Variants in PKHD1L1 observed in about 807,000 individuals in gnomAD.
PKHD1L1 encodes PKHD1 like 1, also known as fibrocystin-L.
In PKHD1L1, 434 loss-of-function variants were observed where a neutral mutation model predicts 462.9. That is an observed-to-expected ratio of 0.94 (90% confidence interval 0.87 to 1.02). PKHD1L1 has a LOEUF of 1.02. Ranked by LOEUF, PKHD1L1 falls within the 50% of genes least tolerant of loss-of-function variation. PKHD1L1 has a pLI of 0.00. For synonymous variants in PKHD1L1, 1,781 were observed against 1,750.0 expected (o/e 1.02, Z -0.44); for missense variants, 5,202 against 5,096.1 (o/e 1.02, Z -0.63).
intron 68 of PKHD1L1, 141 bp downstream of exon 68, chr8:109,504,633 A>G: frequency 2.0e-6 from 1 of 509,632 alleles, no homozygotes; most frequent in South Asian, 4.0e-5. Context: ...GAAAATTAAG[A>G]CCATTTAATA....
intron 21 of PKHD1L1, among the ~76,000 whole-genome samples, chr8:109,414,401 C>G (rs1814021052): frequency 6.6e-6 from 1 of 152,140 alleles, no homozygotes; most frequent in Admixed American, 6.5e-5. Context: ...AACATTTTCT[C>G]TCTACAATTG....
intron 2 of PKHD1L1, among the ~76,000 whole-genome samples, chr8:109,370,664 C>G (rs892098042): frequency 6.6e-6 from 1 of 152,072 alleles, no homozygotes; most frequent in African/African-American, 2.4e-5. Flanking sequence ...CCCCCTACCC[C>G]CAACCCACAA....
chr8:109,478,137 G>A (rs567510478), intron 53 of PKHD1L1, among the ~76,000 whole-genome samples: 55 of 152,250 alleles, frequency 3.6e-4, no homozygotes, highest in Non-Finnish European at 5.7e-4. Flanking sequence ...GCCCACTACT[G>A]TGTAACAAGT....
intron 41 of PKHD1L1, 22 bp downstream of exon 41, chr8:109,451,171 G>T (rs370252480): frequency 3.8e-6 from 6 of 1,569,092 alleles, no homozygotes; most frequent in Non-Finnish European, 5.2e-6. Context: ...ACACAAACAC[G>T]CATCATTGTG....
Position 109,522,855 on chromosome 8 carries a change from C to T in PKHD1L1, c.12295C>T (p.Pro4099Ser), listed in dbSNP as rs1301099886. ...PVAAQPGQPF[P>S]QQPSVKATDS... Reference sequence around the variant, plus strand: ...GGCAGCACAGCCAGGACAGCCATTTCCTCAGCAGCCTTCGGTAAAGGCAAC... The same window carrying T: ...GGCAGCACAGCCAGGACAGCCATTTTCTCAGCAGCCTTCGGTAAAGGCAAC... The change falls in exon 75 of 78, where the codon CCT becomes TCT. Residue 4099 changes from proline to serine, a missense_variant. Pro to Ser is a moderately conservative substitution (Grantham distance 74). Coordinates refer to ENST00000378402, the MANE Select transcript of PKHD1L1 (RefSeq NM_177531.6). 1.2e-6 allele frequency: 2 copies of T among 1,610,640 alleles called. No individual in the cohort carries two copies. The highest frequency in any genetic ancestry group is 1.3e-5 in the African/African-American group (1 of 74,816).
chr8:109,463,839 G>A (rs1313859512), intron 48 of PKHD1L1, among the ~76,000 whole-genome samples: 2 of 152,102 alleles, frequency 1.3e-5, no homozygotes, highest in Non-Finnish European at 2.9e-5. Flanking sequence ...ACAACACCTG[G>A]CACACATAAA....
intron 2 of PKHD1L1, among the ~76,000 whole-genome samples, chr8:109,379,345 T>C (rs1463456087): frequency 6.6e-6 from 1 of 152,212 alleles, no homozygotes; most frequent in Non-Finnish European, 1.5e-5. Context: ...GAGCCTGATA[T>C]ACTGCCATAG....
intron 27 of PKHD1L1, among the ~76,000 whole-genome samples, chr8:109,432,023 T>A (rs532711705): frequency 3.9e-4 from 59 of 152,310 alleles, no homozygotes; most frequent in Non-Finnish European, 6.0e-4. Context: ...GTTAACACTT[T>A]TTAGAAATTT....
chr8:109,497,894 T>C (rs1278078170), intron 65 of PKHD1L1, among the ~76,000 whole-genome samples: 1 of 152,158 alleles, frequency 6.6e-6, no homozygotes, highest in Non-Finnish European at 1.5e-5. Flanking sequence ...CCTGGATGTA[T>C]TTATCACAGA....
chr8:109,429,381 A>G lies in PKHD1L1; in HGVS notation c.3042A>G (p.Thr1014=). The G allele has an allele frequency of 6.4e-7, 1 of 1,565,022 alleles. No individual in the cohort carries two copies. Reference sequence around the variant, plus strand: ...TTATTGGAGAAAAGGCTAATATGACAGTTACAAGGATAAAGGAAGGTGGCT... The same window carrying G: ...TTATTGGAGAAAAGGCTAATATGACGGTTACAAGGATAAAGGAAGGTGGCT... ...SNIIGEKANM[T]VTRIKEGGLF... The change falls in exon 26 of 78, where the codon ACA becomes ACG. Residue 1014 remains threonine (T), a synonymous_variant. Coordinates refer to ENST00000378402, the MANE Select transcript of PKHD1L1 (RefSeq NM_177531.6).
At chr8:109,399,548 C>G (rs1340800202) in intron 12 of PKHD1L1, among the ~76,000 whole-genome samples, 5 of 151,940 alleles carry the variant, frequency 3.3e-5, no homozygotes, top group Non-Finnish European at 7.4e-5. Context: ...AGAAGAAATC[C>G]TAGAGTAGAA....
At chr8:109,394,197 A>AAAAAAAAAAAAAAAAAAAAAAAAAAAG (rs1266975693) in intron 9 of PKHD1L1, among the ~76,000 whole-genome samples, 1 of 135,918 alleles carries the variant, frequency 7.4e-6, no homozygotes, top group Non-Finnish European at 1.6e-5. Context: ...AAAAAAAAAA[A>AAAAAAAAAAAAAAAAAAAAAAAAAAAG]GAAATCAACT....
Position 109,449,406 on chromosome 8 carries a change from T to C in PKHD1L1, c.6094T>C (p.Leu2032=), listed in dbSNP as rs370323927. 5 of 1,591,570 alleles carry C rather than the reference T, an allele frequency of 3.1e-6. No individual in the cohort carries two copies. Among genetic ancestry groups the C allele is most frequent in the Non-Finnish European group, 4.3e-6 (5 of 1,167,586 alleles). The change falls in exon 40 of 78, where the codon TTA becomes CTA. Residue 2032 remains leucine (L), a synonymous_variant. Transcript: ENST00000378402. ...TGFNPQNSII[L]VCGSECAIDR... The stretch of plus-strand genomic sequence containing the variant: ...ATTTAATCCACAAAATTCAATTATA[T>C]TAGTTTGTGGCTCAGAATGTGCAAT...
At chr8:109,509,602 C>T (rs889155395) in intron 70 of PKHD1L1, among the ~76,000 whole-genome samples, 2 of 150,706 alleles carry the variant, frequency 1.3e-5, no homozygotes, top group Non-Finnish European at 3.0e-5. Context: ...CAGAAAATCA[C>T]TGAAGTTTCC....
At chr8:109,393,450 T>G (rs1456448504) in intron 9 of PKHD1L1, among the ~76,000 whole-genome samples, 1 of 152,212 alleles carries the variant, frequency 6.6e-6, no homozygotes, top group Non-Finnish European at 1.5e-5. Flanking sequence ...ATTCTTTAGG[T>G]TTATAGAAGT....
intron 11 of PKHD1L1, 62 bp from the exon 12 acceptor site, chr8:109,398,397 A>G (rs1000852449): frequency 1.9e-5 from 20 of 1,037,838 alleles, no homozygotes; most frequent in Non-Finnish European, 2.9e-5. Context: ...TTAAAGATAC[A>G]CTGATGTGAT....
In PKHD1L1 at chr8:109,420,593, A is replaced by G; in HGVS notation, c.2600A>G (p.Lys867Arg). ...GAGCACTTTCAGGTGAATCAGACCA[A>G]AACAAATGGGCCAACTATGACAAAC... ...FLEHFQVNQTKTNGPTMTNQY... is the reference protein window; with the variant it reads ...FLEHFQVNQTRTNGPTMTNQY... The change falls in exon 23 of 78, where the codon AAA becomes AGA. Residue 867 changes from lysine to arginine, a missense_variant. Coordinates refer to ENST00000378402, the MANE Select transcript of PKHD1L1 (RefSeq NM_177531.6). The G allele has an allele frequency of 1.2e-6, 2 of 1,610,654 alleles. No homozygotes were observed. The highest frequency in any genetic ancestry group is 2.2e-5 in the East Asian group (1 of 44,494).
intron 58 of PKHD1L1, among the ~76,000 whole-genome samples, chr8:109,485,462 G>A (rs1026166062): frequency 2.6e-5 from 4 of 151,906 alleles, no homozygotes; most frequent in Non-Finnish European, 1.5e-5. Context: ...GGTGATTCTT[G>A]TGCACGCTGA....
At chr8:109,424,194 A>G (rs1405200412) in intron 23 of PKHD1L1, among the ~76,000 whole-genome samples, 1 of 152,186 alleles carries the variant, frequency 6.6e-6, no homozygotes, top group Admixed American at 6.5e-5. Flanking sequence ...CTTAAACTTC[A>G]TATCAATAAA....
Sources: allele counts gnomAD v4.1 joint callset (sites outside exome capture counted in the v4.1 genomes callset), GRCh38; gene constraint gnomAD v4.1.1; transcripts MANE v1.5; gene names NCBI Gene and HGNC (gene_info 2026-07-23, HGNC 2026-07-21).